The following DHRS4L2 variants were observed in gnomAD, a reference collection of about 807,000 sequenced individuals.
DHRS4L2 encodes dehydrogenase/reductase 4 like 2.
Under a neutral mutation model 23.9 loss-of-function variants are expected in DHRS4L2, and 22 were observed. That is an observed-to-expected ratio of 0.92 (90% CI 0.66 to 1.31). The LOEUF is 1.31. Ranked by LOEUF, DHRS4L2 falls within the 40% of genes most tolerant of loss-of-function variation. The pLI, the probability that DHRS4L2 is intolerant of heterozygous loss-of-function variation, is 0.00. For synonymous variants in DHRS4L2, 141 were observed against 123.7 expected (o/e 1.14, Z -0.93); for missense variants, 385 against 303.3 (o/e 1.27, Z -2.00).
chr14:23,989,932 G>A lies in DHRS4L2; in HGVS notation c.129-250G>A, dbSNP rs1269420969. On this transcript the variant is annotated intron_variant, in intron 1 of 7. Transcript: ENST00000335125. ...ACAGGAGATGAAGCCTGTCACCCGT[G>A]GTGGGAACTGTAGAAAGTGATGTCA... 2.0e-5 allele frequency among the ~76,000 whole-genome samples: 3 copies of A among 151,708 alleles called. 1 individual carries two copies. Among genetic ancestry groups the A allele is most frequent in the Non-Finnish European group, 4.4e-5 (3 of 67,926 alleles).
intron 2 of DHRS4L2, among the ~76,000 whole-genome samples, chr14:23,993,621 C>G (rs985994649): frequency 2.0e-5 from 3 of 151,662 alleles, no homozygotes; most frequent in African/African-American, 7.3e-5. Context: ...CCATTCATTA[C>G]TCTAGCACAC....
upstream of DHRS4L2, among the ~76,000 whole-genome samples, chr14:23,988,105 T>C (rs1364039674): frequency 6.6e-6 from 1 of 151,326 alleles, no homozygotes; most frequent in Non-Finnish European, 1.5e-5. Context: ...ACTATGTGCT[T>C]AGTAGCTTAC....
chr14:23,972,619 G>A (rs2033884133), intron 1 of DHRS4L2, among the ~76,000 whole-genome samples: 1 of 151,924 alleles, frequency 6.6e-6, no homozygotes, highest in Admixed American at 6.5e-5. Flanking sequence ...CTAGTCAGGT[G>A]GGACAAGAGA....
At chr14:23,977,063 C>T (rs573989367) in intron 1 of DHRS4L2, among the ~76,000 whole-genome samples, 1 of 151,740 alleles carries the variant, frequency 6.6e-6, no homozygotes, top group African/African-American at 2.4e-5. Flanking sequence ...TGTAAAAAAC[C>T]TGCACGTTGT....
intron 1 of DHRS4L2, among the ~76,000 whole-genome samples, chr14:23,970,915 G>A (rs374801557): frequency 6.6e-6 from 1 of 152,016 alleles, no homozygotes; most frequent in Non-Finnish European, 1.5e-5. Flanking sequence ...CAAACAGAAA[G>A]GAATAGCATC....
intron 2 of DHRS4L2, among the ~76,000 whole-genome samples, chr14:23,993,109 C>A (rs2034301782): frequency 6.7e-6 from 1 of 150,190 alleles, no homozygotes; most frequent in Non-Finnish European, 1.5e-5. Flanking sequence ...CCAGGTGATT[C>A]TAGAGCAATC....
chr14:23,975,575 A>G (rs1044402525), intron 1 of DHRS4L2, among the ~76,000 whole-genome samples: 3 of 151,776 alleles, frequency 2.0e-5, no homozygotes, highest in Non-Finnish European at 4.4e-5. Context: ...AATTGGAAAA[A>G]ACTACTTTAA....
intron 4 of DHRS4L2, 47 bp from the exon 5 acceptor site, chr14:24,000,986 G>A: frequency 6.2e-7 from 1 of 1,611,378 alleles, no homozygotes; most frequent in South Asian, 1.1e-5. Flanking sequence ...ACAGGCTGAG[G>A]GCAGTGGTCC....
upstream of DHRS4L2, among the ~76,000 whole-genome samples, chr14:23,984,440 G>A (rs997413819): frequency 1.1e-4 from 16 of 151,574 alleles, no homozygotes; most frequent in Non-Finnish European, 1.6e-4. Flanking sequence ...AAAATGAAGT[G>A]TAGCTATACA....
In DHRS4L2 at chr14:23,979,273, G is replaced by A. The variant is rs1384754494; in HGVS notation, c.-176+8941G>A. ...CTAAATATATATGTACCCAATACAG[G>A]AGCACCCAGATTCATAAAGCAAGTG... On this transcript the variant is annotated intron_variant, in intron 1 of 5. Transcript: ENST00000534993. Among the ~76,000 whole-genome samples, 3 of 143,638 alleles carry A rather than the reference G, an allele frequency of 2.1e-5. 1 individual carries two copies. The Admixed American group carries it at 2.1e-4, about 10-fold the overall frequency. The allele number at this position is 143,638 out of a possible 152,430, so 94.2% of individuals were successfully genotyped here.
intron 3 of DHRS4L2, among the ~76,000 whole-genome samples, chr14:23,998,187 A>C (rs1019065319): frequency 6.6e-6 from 1 of 152,032 alleles, no homozygotes; most frequent in Non-Finnish European, 1.5e-5. Flanking sequence ...AATATTCAGT[A>C]AACCATGCTA....
intron 1 of DHRS4L2, among the ~76,000 whole-genome samples, chr14:23,970,845 T>TG (rs2033841730): frequency 6.6e-6 from 1 of 151,990 alleles, no homozygotes; most frequent in Non-Finnish European, 1.5e-5. Flanking sequence ...AGGTCTGGAA[T>TG]GGACTTCCAG....
chr14:24,006,061 T>C lies in DHRS4L2; in HGVS notation c.*198T>C. 1 of 1,590,040 alleles carries C rather than the reference T, an allele frequency of 6.3e-7. No homozygotes were observed. Among genetic ancestry groups the C allele is most frequent in the Non-Finnish European group, 8.6e-7 (1 of 1,169,132 alleles). On this transcript the variant is annotated 3_prime_UTR_variant, in exon 8 of 8. Coordinates refer to ENST00000335125, the MANE Select transcript of DHRS4L2 (RefSeq NM_198083.4). ...CTAGCTCCTGGTGCTGTTCCTGCAT[T>C]CACCCACTGGCCTTTCCCACCTCTG...
In DHRS4L2 at chr14:23,994,698, A is replaced by C. The variant is rs571279604; in HGVS notation, c.307-334A>C. On this transcript the variant is annotated intron_variant, in intron 2 of 7. Transcript: ENST00000335125. ...GCAAGACTCCATCTAAAAAAGAAAG[A>C]AGCCAACCTTAAATGGTTAGCGGCA... is the stretch of plus-strand genomic sequence containing the variant. 4.6e-5 allele frequency among the ~76,000 whole-genome samples: 7 copies of C among 151,934 alleles called. No homozygotes were observed. The East Asian group carries it at 1.4e-3, about 29-fold the overall frequency.
At chr14:23,973,169 A>G (rs1481873082) in intron 1 of DHRS4L2, among the ~76,000 whole-genome samples, 1 of 151,870 alleles carries the variant, frequency 6.6e-6, no homozygotes, top group East Asian at 1.9e-4. Flanking sequence ...AGGCTGGGGG[A>G]CAGTCAGGTC....
rs1309888841 is a variant in DHRS4L2 at position 24,004,127 on chromosome 14, G to A, written c.666-210G>A. 1.2e-4 allele frequency among the ~76,000 whole-genome samples: 18 copies of A among 146,992 alleles called. 1 individual carries two copies. Among genetic ancestry groups the A allele is most frequent in the Middle Eastern group, 7.1e-3 (2 of 282 alleles). ...CTACTAAAAATACAAAAAATTAGCC[G>A]GGCGCAGTGGCGGGCGCCTGTAATC... On this transcript the variant is annotated intron_variant, in intron 6 of 7. Transcript: ENST00000335125.
chr14:23,976,333 A>G (rs1244944509), intron 1 of DHRS4L2, among the ~76,000 whole-genome samples: 1 of 151,988 alleles, frequency 6.6e-6, no homozygotes, highest in East Asian at 1.9e-4. Context: ...ACATTTACAC[A>G]GCCAACAGAC....
rs2034384124 is a variant in DHRS4L2 at position 23,996,462 on chromosome 14, TTTCTC to T, written c.408+1331_408+1335del. ...AAGGCTGGGCAACACAGCGAGACCT[TTTCTC>T]TATATTAAAAACAACAACAACAACA... On this transcript the variant is annotated intron_variant, in intron 3 of 7. Transcript: ENST00000335125. Among the ~76,000 whole-genome samples the T allele has an allele frequency of 1.3e-5, 2 of 150,824 alleles. 1 individual carries two copies.
chr14:24,000,977 C>T (rs564645090), intron 4 of DHRS4L2, 44 bp downstream of exon 4: 2 of 1,611,346 alleles, frequency 1.2e-6, no homozygotes, highest in Admixed American at 1.7e-5. Flanking sequence ...GGACCCCACA[C>T]AGGCTGAGGG....
Sources: gnomAD v4.1 joint callset for allele counts (sites outside exome capture counted in the v4.1 genomes callset) on GRCh38, gnomAD v4.1.1 for gene constraint, MANE v1.5 for transcripts, NCBI Gene and HGNC (gene_info 2026-07-23, HGNC 2026-07-21) for gene names.